The following OTUD7A variants were observed in gnomAD, a reference collection of about 807,000 sequenced individuals.
OTUD7A encodes OTU deubiquitinase 7A, also known as OTU domain-containing protein 7A.
Under a neutral mutation model 65.7 loss-of-function variants are expected in OTUD7A, and 12 were observed. That is an observed-to-expected ratio of 0.18 (90% confidence interval 0.12 to 0.30). The LOEUF (loss-of-function observed/expected upper bound fraction) is 0.30. Among genes scored for constraint, OTUD7A ranks in the 10% least tolerant of loss-of-function variants. The pLI is 1.00. For missense variants in OTUD7A, 1,148 were observed against 1,304.8 expected, an observed-to-expected ratio of 0.88 and a Z score of 1.85; for synonymous variants, 641 against 586.3, an observed-to-expected ratio of 1.09 and a Z score of -1.35.
At chr15:31,709,641 A>G (rs1344623363) in intron 1 of OTUD7A, among the ~76,000 whole-genome samples, 3 of 151,982 alleles carry the variant, frequency 2.0e-5, no homozygotes, top group Non-Finnish European at 4.4e-5. Context: ...GAGGGCGGGA[A>G]GAGACAGAAC....
intron 1 of OTUD7A, among the ~76,000 whole-genome samples, chr15:31,826,924 G>A (rs1176370088): frequency 6.6e-6 from 1 of 152,144 alleles, no homozygotes; most frequent in African/African-American, 2.4e-5. Flanking sequence ...CTCCATCTGA[G>A]ACAACCTCAG....
chr15:31,738,077 C>T (rs555265432), intron 1 of OTUD7A, among the ~76,000 whole-genome samples: 3 of 151,898 alleles, frequency 2.0e-5, no homozygotes, highest in Non-Finnish European at 4.4e-5. Flanking sequence ...ACTATTTTTG[C>T]GAAAAAATTA....
At chr15:31,651,010 AAT>A (rs1335588208) in intron 3 of OTUD7A, among the ~76,000 whole-genome samples, 2 of 143,536 alleles carry the variant, frequency 1.4e-5, no homozygotes, top group Admixed American at 1.4e-4. Flanking sequence ...TCAGTTCATA[AAT>A]AAATTAATAG....
intron 5 of OTUD7A, among the ~76,000 whole-genome samples, chr15:31,550,049 G>A (rs900762509): frequency 2.0e-5 from 3 of 150,062 alleles, no homozygotes. Context: ...GCACTGAGCC[G>A]AGATCGTGCC....
chr15:31,796,579 T>A (rs1317464651), intron 1 of OTUD7A, among the ~76,000 whole-genome samples: 2 of 152,180 alleles, frequency 1.3e-5, no homozygotes, highest in African/African-American at 4.8e-5. Context: ...GATATTACGG[T>A]CTAGCCAGAT....
intron 8 of OTUD7A, among the ~76,000 whole-genome samples, chr15:31,516,846 C>G (rs940132470): frequency 2.0e-5 from 3 of 152,176 alleles, no homozygotes; most frequent in Admixed American, 6.5e-5. Flanking sequence ...GAGCACTGCC[C>G]TCCCAACTCA....
At chr15:31,836,187 A>C (rs574748862) in intron 1 of OTUD7A, among the ~76,000 whole-genome samples, 5 of 152,014 alleles carry the variant, frequency 3.3e-5, no homozygotes, top group African/African-American at 1.2e-4. Flanking sequence ...CTCTGATTCA[A>C]GACACATTTT....
intron 3 of OTUD7A, among the ~76,000 whole-genome samples, chr15:31,636,632 A>G (rs2141256620): frequency 6.6e-6 from 1 of 152,196 alleles, no homozygotes; most frequent in Middle Eastern, 3.4e-3. Flanking sequence ...TTAAAAGCTA[A>G]GATGGGCCAA....
At chr15:31,703,661 C>G (rs28836831) in intron 1 of OTUD7A, among the ~76,000 whole-genome samples, 3,175 of 152,130 alleles carry the variant, frequency 0.021, 105 homozygotes, top group African/African-American at 0.072. Flanking sequence ...AAAGCAGTTT[C>G]TCCTAAAACT....
At chr15:31,576,561 T>C (rs1889209331) in intron 3 of OTUD7A, among the ~76,000 whole-genome samples, 1 of 152,162 alleles carries the variant, frequency 6.6e-6, no homozygotes. Flanking sequence ...CTTACACATA[T>C]TGATTGATGT....
intron 5 of OTUD7A, among the ~76,000 whole-genome samples, chr15:31,551,325 T>C (rs4284600): frequency 0.61 from 93,089 of 152,092 alleles, 31,147 homozygotes; most frequent in East Asian, 0.91. Context: ...TTTCATGGTT[T>C]CATGTTTCTA....
chr15:31,776,016 G>A (rs1253891440), intron 1 of OTUD7A, among the ~76,000 whole-genome samples: 1 of 152,200 alleles, frequency 6.6e-6, no homozygotes, highest in Non-Finnish European at 1.5e-5. Context: ...TCCAGGGAAA[G>A]ACACACAGGG....
rs138519422 is a variant in OTUD7A at position 31,735,421 on chromosome 15, G to C, written c.-99-78344C>G. ...CACACGCCTGTAATCCCAGCTACTCGGGAGGCTGATGCAGGGGAATTGCTA... is the reference window on the plus strand; with the variant it reads ...CACACGCCTGTAATCCCAGCTACTCCGGAGGCTGATGCAGGGGAATTGCTA... On this transcript the variant is annotated intron_variant, in intron 1 of 12. Transcript: ENST00000307050. Among the ~76,000 whole-genome samples the C allele has an allele frequency of 1.3e-3, 198 of 152,168 alleles. 4 individuals carry two copies. In the East Asian group the frequency reaches 0.035, roughly 27 times the overall value.
At chr15:31,694,315 C>T (rs951093540) in intron 1 of OTUD7A, among the ~76,000 whole-genome samples, 3 of 152,314 alleles carry the variant, frequency 2.0e-5, no homozygotes, top group Admixed American at 6.5e-5. Context: ...GTCCCCCACT[C>T]CTACCTAGGT....
intron 8 of OTUD7A, among the ~76,000 whole-genome samples, chr15:31,510,881 ATATATG>A (rs1273686994): frequency 5.8e-5 from 1 of 17,116 alleles, no homozygotes; most frequent in Non-Finnish European, 9.9e-5. Flanking sequence ...TATATGTAAC[ATATATG>A]TATATCTATA....
intron 1 of OTUD7A, among the ~76,000 whole-genome samples, chr15:31,845,252 A>G (rs1474104912): frequency 1.3e-5 from 2 of 152,126 alleles, no homozygotes; most frequent in South Asian, 2.1e-4. Context: ...TGTTTCCCTC[A>G]TGGCTCTGAA....
chr15:31,860,683 A>G lies in OTUD7A; in HGVS notation c.-100+9824T>C, dbSNP rs1371453237. 3.0e-4 allele frequency among the ~76,000 whole-genome samples: 37 copies of G among 122,596 alleles called. 2 individuals carry two copies. The highest frequency in any genetic ancestry group is 4.1e-3 in the Middle Eastern group (1 of 244). The allele number at this position is 122,596 out of a possible 152,430, so 80.4% of individuals were successfully genotyped here. ...TATATATAGATGTATGTGTGTATAT[A>G]TATATATATATATATATGTATGTAT... On this transcript the variant is annotated intron_variant, in intron 1 of 12. Transcript: ENST00000307050.
intron 1 of OTUD7A, among the ~76,000 whole-genome samples, chr15:31,864,477 G>A (rs1247946380): frequency 4.6e-5 from 7 of 152,142 alleles, no homozygotes; most frequent in Admixed American, 4.6e-4. Context: ...GTGGTGGCAA[G>A]AGAAAAATGA....
At chr15:31,816,725 C>T (rs1896559251) in intron 1 of OTUD7A, among the ~76,000 whole-genome samples, 1 of 151,882 alleles carries the variant, frequency 6.6e-6, no homozygotes, top group African/African-American at 2.4e-5. Flanking sequence ...TAAACATACA[C>T]TGAGACATTT....
Sources: allele counts gnomAD v4.1 joint callset (sites outside exome capture counted in the v4.1 genomes callset), GRCh38; gene constraint gnomAD v4.1.1; transcripts MANE v1.5; gene names NCBI Gene and HGNC (gene_info 2026-07-23, HGNC 2026-07-21).